Variants in UBR4 observed in about 807,000 individuals in gnomAD.
UBR4 encodes the protein E3 ubiquitin-protein ligase UBR4.
A neutral mutation model predicts 575.6 loss-of-function variants in UBR4; 124 were observed. The observed-to-expected ratio is 0.22, with a 90% CI of 0.19 to 0.25. UBR4 has a LOEUF of 0.25. UBR4 is among the 10% of genes least tolerant of loss of function. The pLI, the probability that UBR4 is intolerant of heterozygous loss-of-function variation, is 1.00. For synonymous variants in UBR4, 2,455 were observed against 2,473.7 expected (o/e 0.99, Z 0.22); for missense variants, 4,818 against 6,478.8 (o/e 0.74, Z 8.80).
intron 75 of UBR4, 102 bp downstream of exon 75, chr1:19,114,706 CGAA>C: frequency 6.9e-7 from 1 of 1,454,896 alleles, no homozygotes; most frequent in Non-Finnish European, 9.2e-7. Context: ...GGTGTTGAGT[CGAA>C]GAAGGCTTAG....
chr1:19,199,878 A>C (rs75749512), intron 2 of UBR4, 124 bp from the exon 3 acceptor site: 22,235 of 835,848 alleles, frequency 0.027, 395 homozygotes, highest in South Asian at 0.06. Context: ...CAGAGCCAAA[A>C]ACCCAAGGGG....
At position 19,144,819 on chromosome 1, in the gene UBR4, TG is replaced by T; in HGVS notation, c.8033del (p.Ala2678AspfsTer16). On this transcript the variant is annotated frameshift_variant, in exon 54 of 106. Coordinates refer to ENST00000375254, the MANE Select transcript of UBR4 (RefSeq NM_020765.3). LOFTEE classifies it high-confidence loss of function. ...AGAGCATCTGCATGTAGATCTTGGATGCTGTGTTAATACAATCCAGCTCACA... is the reference window on the plus strand; with the variant it reads ...AGAGCATCTGCATGTAGATCTTGGATCTGTGTTAATACAATCCAGCTCACA... ...CTCELDCINT[A>X]SKIYMQMLLC... is the part of the protein sequence containing the mutation. 1 of 1,613,940 alleles carries T rather than the reference TG, an allele frequency of 6.2e-7. No homozygotes were observed. The highest frequency in any genetic ancestry group is 1.1e-5 in the South Asian group (1 of 91,054).
At chr1:19,170,356 G>A (rs896753501) in intron 26 of UBR4, among the ~76,000 whole-genome samples, 7 of 152,180 alleles carry the variant, frequency 4.6e-5, no homozygotes, top group South Asian at 2.1e-4. Flanking sequence ...CTGCGATAGC[G>A]CCACTGTACT....
intron 105 of UBR4, 108 bp from the exon 106 acceptor site, chr1:19,075,004 C>G: frequency 8.3e-7 from 1 of 1,202,896 alleles, no homozygotes. Flanking sequence ...GTCCGACAAG[C>G]TCTGGCCCGG....
At chr1:19,136,884 G>A (rs922524206) in intron 60 of UBR4, among the ~76,000 whole-genome samples, 2 of 152,098 alleles carry the variant, frequency 1.3e-5, no homozygotes, top group African/African-American at 4.8e-5. Context: ...ATGTTAAGCG[G>A]CTTACGTTCA....
In UBR4 at chr1:19,168,118, G is replaced by A; in HGVS notation, c.3808C>T (p.Leu1270=). 1.2e-6 allele frequency: 2 copies of A among 1,613,580 alleles called. No individual in the cohort carries two copies. Among genetic ancestry groups the A allele is most frequent in the Non-Finnish European group, 8.5e-7 (1 of 1,179,562 alleles). ...SYISAVQAAH[L]GTLCSQSLPL... Reference sequence around the variant, plus strand: ...AGACTTTGGCTACAGAGAGTCCCCAGGTGTGCAGCCTGCACTGCACTAATA... The same window carrying A: ...AGACTTTGGCTACAGAGAGTCCCCAAGTGTGCAGCCTGCACTGCACTAATA... The change falls in exon 28 of 106, where the codon CTG becomes TTG. Residue 1270 remains leucine (L), a synonymous_variant. Transcript: ENST00000375254.
intron 63 of UBR4, 84 bp downstream of exon 63, chr1:19,127,539 G>A: frequency 9.8e-7 from 1 of 1,019,838 alleles, no homozygotes; most frequent in Non-Finnish European, 1.5e-6. Flanking sequence ...TCTTACAGAG[G>A]ACTACCACCT....
chr1:19,145,927 A>C lies in UBR4; in HGVS notation c.7811T>G (p.Met2604Arg). ...CTTCTGCGGTTCCTTCCCTTCATCC[A>C]TTCCTTCTAAGCAGGAGAAAGAAAA... ...SKLPQMETEG[M>R]DEGKEPQKQL... The change falls in exon 53 of 106, where the codon ATG becomes AGG. Residue 2604 changes from methionine (M) to arginine (R), a missense_variant. Met to Arg is a moderately conservative substitution (Grantham distance 91). Transcript: ENST00000375254. 9 of 1,613,972 alleles carry C rather than the reference A, an allele frequency of 5.6e-6. No homozygotes were observed. The highest frequency in any genetic ancestry group is 7.6e-6 in the Non-Finnish European group (9 of 1,179,882).
At position 19,086,262 on chromosome 1, in the gene UBR4, C is replaced by T. The variant is rs775793445; in HGVS notation, c.14696G>A (p.Arg4899Gln). ...GGCACTCTCCCACTCTTCCCGGCCT[C>T]GAGCCAACCTGGATAGGGAGGAGAG... is the stretch of plus-strand genomic sequence containing the variant. The part of the protein sequence containing the change: ...DCHLAAVRLA[R>Q]GREEWESAAL... The change falls in exon 101 of 106, where the codon CGA becomes CAA. Residue 4899 changes from arginine to glutamine, a missense_variant. By Grantham distance (43) the Arg-to-Gln change is conservative. Around this residue, in one of 29 missense-constraint regions of UBR4, gnomAD observed 196 missense variants for 386.8 expected, o/e 0.51. Coordinates refer to ENST00000375254, the MANE Select transcript of UBR4 (RefSeq NM_020765.3). The T allele has an allele frequency of 2.5e-6, 4 of 1,608,458 alleles. No individual in the cohort carries two copies. The highest frequency in any genetic ancestry group is 2.2e-5 in the East Asian group (1 of 44,588).
Position 19,157,525 on chromosome 1 carries a change from G to A in UBR4, c.5760+290C>T, listed in dbSNP as rs191083158. Among the ~76,000 whole-genome samples the A allele has an allele frequency of 3.9e-3, 591 of 152,336 alleles. 3 individuals carry two copies. Among genetic ancestry groups the A allele is most frequent in the African/African-American group, 0.013 (523 of 41,574 alleles). On this transcript the variant is annotated intron_variant, in intron 40 of 105. Coordinates refer to ENST00000375254, the MANE Select transcript of UBR4 (RefSeq NM_020765.3). This position sits in a 1 kb window ranked among gnomAD's most constrained non-coding sequence, Gnocchi z 4.4. ...ACAGGGCAAGACTGGGAGCCAAGCC[G>A]TCCTCGGTAACTGCTAATCATTACT...
At chr1:19,092,988 C>A in intron 96 of UBR4, 70 bp from the exon 97 acceptor site, 2 of 1,430,786 alleles carry the variant, frequency 1.4e-6, no homozygotes, top group Non-Finnish European at 1.9e-6. Flanking sequence ...GTTGTTGACT[C>A]TGGCTTGTTT....
chr1:19,163,916 C>T, intron 33 of UBR4, 89 bp from the exon 34 acceptor site: 1 of 1,361,540 alleles, frequency 7.3e-7, no homozygotes, highest in Non-Finnish European at 1.0e-6. Context: ...AACTTTGAAT[C>T]AATCTGAGGA....
rs763162445 is a variant in UBR4, at chr1:19,167,105, C to T, written c.4026G>A (p.Glu1342=). The change falls in exon 29 of 106, where the codon GAG becomes GAA. Residue 1342 remains glutamate, a synonymous_variant. Coordinates refer to ENST00000375254, the MANE Select transcript of UBR4 (RefSeq NM_020765.3). The stretch of plus-strand genomic sequence containing the variant: ...AAACACGAGCCAAGAACTCATCAGA[C>T]TCAGCAGGGCCCAAGATGCGTTCCA... ...NSLERILGPA[E]SDEFLARVYE... 18 of 1,614,094 alleles carry T rather than the reference C, an allele frequency of 1.1e-5. No individual in the cohort carries two copies. Among genetic ancestry groups the T allele is most frequent in the Middle Eastern group, 1.6e-4 (1 of 6,084 alleles).
At chr1:19,143,190 A>G (rs187184379) in intron 55 of UBR4, among the ~76,000 whole-genome samples, 13 of 148,532 alleles carry the variant, frequency 8.8e-5, no homozygotes, top group Non-Finnish European at 1.6e-4. Context: ...AAAAAGAAAG[A>G]AAGGAAGGAA....
intron 31 of UBR4, 61 bp from the exon 32 acceptor site, chr1:19,165,058 G>C: frequency 6.3e-7 from 1 of 1,588,880 alleles, no homozygotes; most frequent in Non-Finnish European, 8.6e-7. Context: ...GAAAGAAGGG[G>C]CAAACTGTTG....
chr1:19,099,052 A>C (rs547360098), intron 90 of UBR4, among the ~76,000 whole-genome samples: 1 of 152,348 alleles, frequency 6.6e-6, no homozygotes, highest in East Asian at 1.9e-4. Context: ...GTGGACAAAC[A>C]GCATCACTCG....
intron 2 of UBR4, among the ~76,000 whole-genome samples, 154 bp from the exon 3 acceptor site, chr1:19,199,908 A>C (rs2092661526): frequency 6.6e-6 from 1 of 152,260 alleles, no homozygotes; most frequent in Admixed American, 6.5e-5. Context: ...GCATTTTGAC[A>C]TCAATAACTA....
chr1:19,198,768 A>T (rs768326715), intron 4 of UBR4, 31 bp downstream of exon 4: 1 of 1,613,588 alleles, frequency 6.2e-7, no homozygotes, highest in African/African-American at 1.3e-5. Flanking sequence ...GGGGGTGGTC[A>T]TGTGATCAGA....
At chr1:19,171,266 C>T (rs1447964191) in intron 25 of UBR4, among the ~76,000 whole-genome samples, 13 of 152,188 alleles carry the variant, frequency 8.5e-5, no homozygotes, top group Admixed American at 7.2e-4. Flanking sequence ...TGACCAGGAA[C>T]GTTAACAGCT....
Sources: allele counts gnomAD v4.1 joint callset (sites outside exome capture counted in the v4.1 genomes callset), GRCh38; gene constraint gnomAD v4.1.1; regional missense constraint gnomAD v4.1.1; non-coding constraint Gnocchi (gnomAD v3.1); transcripts MANE v1.5; gene names NCBI Gene and HGNC (gene_info 2026-07-23, HGNC 2026-07-21).